Variants in CFAP61 observed in about 807,000 individuals in gnomAD.
CFAP61 encodes the protein cilia- and flagella-associated protein 61.
A neutral mutation model predicts 135.6 loss-of-function variants in CFAP61; 107 were observed. That is an observed-to-expected ratio of 0.79 (90% confidence interval 0.67 to 0.93). The LOEUF is 0.93. Ranked by LOEUF, CFAP61 falls within the 40% of genes least tolerant of loss-of-function variation. The pLI is 0.00. For missense variants in CFAP61, 1,507 were observed against 1,556.2 expected, an observed-to-expected ratio of 0.97 and a Z score of 0.53; for synonymous variants, 575 against 578.5, an observed-to-expected ratio of 0.99 and a Z score of 0.09.
intron 7 of CFAP61, among the ~76,000 whole-genome samples, chr20:20,097,477 T>G (rs531672421): frequency 1.2e-4 from 18 of 152,332 alleles, no homozygotes; most frequent in African/African-American, 4.3e-4. Flanking sequence ...CAGAATTACT[T>G]AAGGGATATA....
At chr20:20,075,166 C>T (rs74173348) in intron 4 of CFAP61, 23 bp from the exon 5 acceptor site, 1 of 1,611,456 alleles carries the variant, frequency 6.2e-7, no homozygotes, top group East Asian at 2.2e-5. Flanking sequence ...GTAACACTGC[C>T]CCACCCTCTC....
chr20:20,336,994 T>A (rs931507728), intron 25 of CFAP61, among the ~76,000 whole-genome samples: 1 of 152,256 alleles, frequency 6.6e-6, no homozygotes, highest in Admixed American at 6.5e-5. Context: ...GAGGGCCATA[T>A]TCGATTCATG....
intron 19 of CFAP61, among the ~76,000 whole-genome samples, chr20:20,249,502 G>C (rs1231639802): frequency 6.6e-6 from 1 of 152,174 alleles, no homozygotes; most frequent in African/African-American, 2.4e-5. Context: ...TTGTACCACT[G>C]TGCTCTAGGC....
chr20:20,149,667 A>G (rs1480203551), intron 9 of CFAP61, among the ~76,000 whole-genome samples: 1 of 152,250 alleles, frequency 6.6e-6, no homozygotes, highest in Admixed American at 6.5e-5. Context: ...AAGTAGAAGC[A>G]GCAGTAGGAA....
At chr20:20,081,523 C>T (rs6046601) in intron 6 of CFAP61, among the ~76,000 whole-genome samples, 1 of 152,102 alleles carries the variant, frequency 6.6e-6, no homozygotes, top group Non-Finnish European at 1.5e-5. Flanking sequence ...CGCTAATAGC[C>T]TACTTGTCAC....
intron 14 of CFAP61, 59 bp downstream of exon 14, chr20:20,188,115 A>C: frequency 6.3e-7 from 1 of 1,574,842 alleles, no homozygotes; most frequent in Non-Finnish European, 8.7e-7. Flanking sequence ...ACCCATGTAG[A>C]TTCAGCCCTG....
chr20:20,265,275 T>C, intron 21 of CFAP61: 1 of 718,868 alleles, frequency 1.4e-6, no homozygotes, highest in South Asian at 1.6e-5. Flanking sequence ...CTAGGGAGCA[T>C]TTGACCAAGA....
At chr20:20,354,951 TGAGGGGAAGTGGTCACA>T (rs1602162297) in intron 26 of CFAP61, among the ~76,000 whole-genome samples, 214 of 9,662 alleles carry the variant, frequency 0.022, no homozygotes, top group South Asian at 0.051. Context: ...GTGGTCACAC[TGAGGGGAAGTGGTCACA>T]CTGTGAGAGG....
At chr20:20,098,849 T>G in intron 8 of CFAP61, 35 bp downstream of exon 8, 1 of 1,583,232 alleles carries the variant, frequency 6.3e-7, no homozygotes, top group Non-Finnish European at 8.6e-7. Context: ...ACTGGGAAAT[T>G]AAATCTATGC....
chr20:20,179,788 A>C (rs1332109641), intron 13 of CFAP61, among the ~76,000 whole-genome samples: 3 of 152,242 alleles, frequency 2.0e-5, no homozygotes, highest in Admixed American at 6.5e-5. Flanking sequence ...AGGATTCCCT[A>C]TTCAATAAAT....
At chr20:20,337,184 C>G (rs932517483) in intron 25 of CFAP61, among the ~76,000 whole-genome samples, 1 of 152,138 alleles carries the variant, frequency 6.6e-6, no homozygotes. Context: ...AAAGCAGCCA[C>G]TGGAAATAAG....
chr20:20,135,424 A>G (rs1319673789), intron 8 of CFAP61, among the ~76,000 whole-genome samples: 1 of 152,206 alleles, frequency 6.6e-6, no homozygotes, highest in Non-Finnish European at 1.5e-5. Context: ...TGGCACAAAA[A>G]CATGTCAAGA....
At chr20:20,084,734 T>A (rs1045347483) in intron 6 of CFAP61, among the ~76,000 whole-genome samples, 1 of 152,184 alleles carries the variant, frequency 6.6e-6, no homozygotes, top group African/African-American at 2.4e-5. Flanking sequence ...AGGGAGTTTG[T>A]CCTCACTTCT....
intron 2 of CFAP61, among the ~76,000 whole-genome samples, chr20:20,068,951 G>C (rs1319594995): frequency 6.6e-6 from 1 of 152,166 alleles, no homozygotes; most frequent in Admixed American, 6.5e-5. Flanking sequence ...CACCATGTTG[G>C]CCAGAATGGT....
chr20:20,354,413 G>A (rs373818424), intron 26 of CFAP61, among the ~76,000 whole-genome samples: 17 of 150,316 alleles, frequency 1.1e-4, no homozygotes, highest in East Asian at 5.9e-4. Flanking sequence ...TGAGGCAGGA[G>A]AATTGCTTGC....
Position 20,277,223 on chromosome 20 carries a change from T to C in CFAP61, c.2561T>C (p.Leu854Ser), listed in dbSNP as rs1293838350. The C allele has an allele frequency of 6.2e-7, 1 of 1,613,770 alleles. No individual in the cohort carries two copies. The highest frequency in any genetic ancestry group is 1.3e-5 in the African/African-American group (1 of 74,932). ...IDTYTTVETLLNLGVSGSRIH... is the reference protein window; with the variant it reads ...IDTYTTVETLSNLGVSGSRIH... ...ACTTACACCACCGTGGAGACGCTCT[T>C]AAACCTTGGCGTGAGCGGCAGCCGC... The change falls in exon 22 of 27, where the codon TTA (leucine) becomes TCA (serine). Residue 854 changes from leucine (L) to serine (S), a missense_variant. Leu to Ser is a moderately radical substitution (Grantham distance 145, BLOSUM62 -2). Coordinates refer to ENST00000245957, the MANE Select transcript of CFAP61 (RefSeq NM_015585.4).
chr20:20,257,273 G>A (rs747973045), intron 20 of CFAP61, among the ~76,000 whole-genome samples: 22 of 152,234 alleles, frequency 1.4e-4, no homozygotes, highest in Non-Finnish European at 2.4e-4. Flanking sequence ...ATTATCTTCC[G>A]TGTTCTTTGC....
Position 20,146,347 on chromosome 20 carries a change from C to A in CFAP61, c.951+3399C>A, listed in dbSNP as rs1600951430. Reference sequence around the variant, plus strand: ...CTCTCAATAAACTAGAATGAAACAACTTAATTCAGCATAGTTGTCTTAAAT... The same window carrying A: ...CTCTCAATAAACTAGAATGAAACAAATTAATTCAGCATAGTTGTCTTAAAT... On this transcript the variant is annotated intron_variant, in intron 9 of 26. Coordinates refer to ENST00000245957, the MANE Select transcript of CFAP61 (RefSeq NM_015585.4). Among the ~76,000 whole-genome samples the A allele has an allele frequency of 2.0e-5, 3 of 152,300 alleles. No individual in the cohort carries two copies. The East Asian group carries it at 5.8e-4, about 29-fold the overall frequency.
chr20:20,155,304 G>A (rs527265266), intron 9 of CFAP61, among the ~76,000 whole-genome samples: 1 of 152,158 alleles, frequency 6.6e-6, no homozygotes, highest in South Asian at 2.1e-4. Context: ...AAATCTAAGA[G>A]GTAAAGCCGT....
Sources: allele counts gnomAD v4.1 joint callset (sites outside exome capture counted in the v4.1 genomes callset), GRCh38; gene constraint gnomAD v4.1.1; transcripts MANE v1.5; gene names NCBI Gene and HGNC (gene_info 2026-07-23, HGNC 2026-07-21).